Variants in SEMA6D observed in about 807,000 individuals in gnomAD.
SEMA6D encodes the protein semaphorin 6D.
Under a neutral mutation model 106.6 loss-of-function variants are expected in SEMA6D, and 35 were observed. The ratio of observed to expected loss-of-function variants is 0.33; its 90% CI spans 0.25 to 0.44. The LOEUF (loss-of-function observed/expected upper bound fraction) is 0.44, where lower values mean the gene tolerates loss of function less well. Ranked by LOEUF, SEMA6D falls within the 20% of genes least tolerant of loss-of-function variation. The probability of loss-of-function intolerance (pLI) is 1.00; values close to 1 mark genes in which losing one functional copy is unlikely to be tolerated. For synonymous variants in SEMA6D, 499 were observed against 487.7 expected (o/e 1.02, Z -0.31); for missense variants, 1,185 against 1,345.9 (o/e 0.88, Z 1.87).
intron 1 of SEMA6D, among the ~76,000 whole-genome samples, chr15:47,254,830 G>A (rs2033708910): frequency 1.3e-5 from 2 of 149,944 alleles, no homozygotes; most frequent in African/African-American, 4.9e-5. Flanking sequence ...GTATTTTGTT[G>A]AGGGTTTTTA....
At chr15:47,279,758 G>A (rs1209296294) in intron 1 of SEMA6D, among the ~76,000 whole-genome samples, 1 of 151,974 alleles carries the variant, frequency 6.6e-6, no homozygotes, top group Non-Finnish European at 1.5e-5. Context: ...TTTTGTCAAA[G>A]GCCTTTTCTG....
intron 3 of SEMA6D, 135 bp downstream of exon 3, chr15:47,760,550 A>G: frequency 1.5e-6 from 1 of 671,574 alleles, no homozygotes; most frequent in East Asian, 2.7e-5. Flanking sequence ...ATTCACTGAG[A>G]AGAGTCAGTG....
chr15:47,340,717 C>T (rs2037781046), intron 1 of SEMA6D, among the ~76,000 whole-genome samples: 1 of 152,122 alleles, frequency 6.6e-6, no homozygotes, highest in Non-Finnish European at 1.5e-5. Flanking sequence ...ATCACAGCCC[C>T]AGGCTTAAAA....
chr15:47,662,740 G>A (rs191044576), intron 4 of SEMA6D, among the ~76,000 whole-genome samples: 412 of 152,222 alleles, frequency 2.7e-3, no homozygotes, highest in Admixed American at 5.3e-3. Context: ...ACTTTGAGTT[G>A]AGTAGAGCAC....
intron 3 of SEMA6D, among the ~76,000 whole-genome samples, chr15:47,473,773 T>C (rs16959552): frequency 0.11 from 16,626 of 152,174 alleles, 2,660 homozygotes; most frequent in African/African-American, 0.35. Context: ...TCTGAAAAAC[T>C]GTGACTACAC....
chr15:47,532,851 A>T (rs1035779151), intron 3 of SEMA6D, among the ~76,000 whole-genome samples: 2 of 152,234 alleles, frequency 1.3e-5, no homozygotes, highest in African/African-American at 4.8e-5. Flanking sequence ...TATAAATTTC[A>T]GGGTGACCTC....
At chr15:47,452,766 C>T (rs2042231174) in intron 2 of SEMA6D, among the ~76,000 whole-genome samples, 1 of 151,850 alleles carries the variant, frequency 6.6e-6, no homozygotes, top group African/African-American at 2.4e-5. Flanking sequence ...TTTTGGAGAT[C>T]TTTACTTTGT....
intron 2 of SEMA6D, among the ~76,000 whole-genome samples, chr15:47,459,720 C>T (rs1413166658): frequency 6.6e-6 from 1 of 152,042 alleles, no homozygotes; most frequent in Non-Finnish European, 1.5e-5. Flanking sequence ...CCTCTTTCCC[C>T]TGCAGCTTTG....
At chr15:47,332,477 C>T (rs907149444) in intron 1 of SEMA6D, among the ~76,000 whole-genome samples, 2 of 152,170 alleles carry the variant, frequency 1.3e-5, no homozygotes, top group African/African-American at 4.8e-5. Flanking sequence ...TCTGGTTATA[C>T]ATAACCAGAA....
intron 1 of SEMA6D, among the ~76,000 whole-genome samples, chr15:47,298,277 G>C (rs1442139747): frequency 6.6e-6 from 1 of 152,022 alleles, no homozygotes; most frequent in Admixed American, 6.5e-5. Flanking sequence ...GGTTGTCAGT[G>C]ACCGACTTGT....
intron 1 of SEMA6D, among the ~76,000 whole-genome samples, chr15:47,376,021 G>A (rs2039435568): frequency 6.6e-6 from 1 of 152,228 alleles, no homozygotes; most frequent in African/African-American, 2.4e-5. Flanking sequence ...AGTATCCTAT[G>A]TAAAGAAGGC....
At chr15:47,430,759 G>C (rs1162372640) in intron 2 of SEMA6D, among the ~76,000 whole-genome samples, 1 of 152,050 alleles carries the variant, frequency 6.6e-6, no homozygotes, top group Non-Finnish European at 1.5e-5. Flanking sequence ...ATCTCATGGA[G>C]AAACTACCAA....
chr15:47,376,657 T>C (rs2039459379), intron 1 of SEMA6D, among the ~76,000 whole-genome samples: 1 of 152,240 alleles, frequency 6.6e-6, no homozygotes, highest in African/African-American at 2.4e-5. Context: ...TAAACAACTC[T>C]ACCCAGACAA....
chr15:47,486,671 A>C (rs2043305983), intron 3 of SEMA6D, among the ~76,000 whole-genome samples: 1 of 152,202 alleles, frequency 6.6e-6, no homozygotes, highest in South Asian at 2.1e-4. Flanking sequence ...GGGAGAGCAT[A>C]CTCATATGTT....
intron 4 of SEMA6D, among the ~76,000 whole-genome samples, chr15:47,674,674 G>C (rs1275964111): frequency 6.6e-6 from 1 of 152,150 alleles, no homozygotes; most frequent in Non-Finnish European, 1.5e-5. Context: ...TACATCTTCA[G>C]AAGCAGTGCT....
intron 1 of SEMA6D, among the ~76,000 whole-genome samples, chr15:47,233,061 T>G (rs1246846941): frequency 6.6e-6 from 1 of 152,044 alleles, no homozygotes; most frequent in Non-Finnish European, 1.5e-5. Context: ...TTCTAAGAAT[T>G]TTATTATGCT....
At chr15:47,572,610 C>A (rs1298163739) in intron 3 of SEMA6D, among the ~76,000 whole-genome samples, 1 of 152,098 alleles carries the variant, frequency 6.6e-6, no homozygotes, top group African/African-American at 2.4e-5. Context: ...CATTTCTCTA[C>A]TGACATATTA....
chr15:47,471,931 T>TCTCTCA lies in SEMA6D; in HGVS notation c.-87+1387_-87+1388insTCTCAC, dbSNP rs1555445502. 1.3e-3 allele frequency among the ~76,000 whole-genome samples: 158 copies of TCTCTCA among 121,506 alleles called. 1 individual carries two copies. Among genetic ancestry groups the TCTCTCA allele is most frequent in the East Asian group, 2.2e-3 (9 of 4,008 alleles). 79.7% of individuals were successfully genotyped at this position (121,506 alleles called of 152,430 possible). On this transcript the variant is annotated intron_variant, in intron 3 of 19. Transcript: ENST00000558014. ...CTCTCTCTCTCTCTCTCTCTCTCTCTCACACACACACACACACACACACAC... is the reference window on the plus strand; with the variant it reads ...CTCTCTCTCTCTCTCTCTCTCTCTCTCTCTCACACACACACACACACACACACACAC...
chr15:47,444,453 C>A (rs1366638187), intron 2 of SEMA6D, among the ~76,000 whole-genome samples: 1 of 148,674 alleles, frequency 6.7e-6, no homozygotes, highest in East Asian at 2.0e-4. Context: ...CCCATGATGC[C>A]CGGATAAGAT....
Sources: allele counts gnomAD v4.1 joint callset (sites outside exome capture counted in the v4.1 genomes callset), GRCh38; gene constraint gnomAD v4.1.1; transcripts MANE v1.5; gene names NCBI Gene and HGNC (gene_info 2026-07-23, HGNC 2026-07-21).